Variants in ATP2C2 observed in about 807,000 individuals in gnomAD.
ATP2C2 encodes ATPase secretory pathway Ca2+ transporting 2, also known as calcium-transporting ATPase type 2C member 2.
In ATP2C2, 171 loss-of-function variants were observed where a neutral mutation model predicts 110.8. The ratio of observed to expected loss-of-function variants is 1.54; its 90% CI spans 1.36 to 1.75. ATP2C2 has a LOEUF of 1.75. ATP2C2 is among the 40% of genes most tolerant of loss of function. The pLI is 0.00. For synonymous variants in ATP2C2, 804 were observed against 508.4 expected (o/e 1.58, Z -7.82); for missense variants, 1,963 against 1,235.0 (o/e 1.59, Z -8.84).
intron 16 of ATP2C2, among the ~76,000 whole-genome samples, chr16:84,448,258 C>G (rs16973815): frequency 0.026 from 3,902 of 149,920 alleles, 184 homozygotes; most frequent in African/African-American, 0.093. Flanking sequence ...ACAAGACGCT[C>G]TGAGTGACCA....
chr16:84,429,554 CATGTAGTGTTGGGA>C (rs1908083792), intron 11 of ATP2C2, among the ~76,000 whole-genome samples: 1 of 152,078 alleles, frequency 6.6e-6, no homozygotes, highest in Non-Finnish European at 1.5e-5. Context: ...CTTTCATGTT[CATGTAGTGTTGGGA>C]TTGGGGGAGG....
At chr16:84,385,059 C>A (rs1017920077) in intron 1 of ATP2C2, among the ~76,000 whole-genome samples, 1 of 152,106 alleles carries the variant, frequency 6.6e-6, no homozygotes, top group African/African-American at 2.4e-5. Flanking sequence ...AAAAAACACA[C>A]ACATAAAAAG....
intron 20 of ATP2C2, among the ~76,000 whole-genome samples, chr16:84,454,371 A>C (rs1411272116): frequency 1.3e-5 from 2 of 152,218 alleles, no homozygotes; most frequent in Non-Finnish European, 2.9e-5. Context: ...GAGCTCTTTT[A>C]GTAGACGGGC....
intron 2 of ATP2C2, chr16:84,404,907 T>C (rs779574782): frequency 1.5e-6 from 1 of 652,574 alleles, no homozygotes; most frequent in African/African-American, 1.8e-5. Flanking sequence ...ACCAGAGTCG[T>C]CTTTTCTGCT....
At chr16:84,433,102 G>A (rs989415683) in intron 11 of ATP2C2, among the ~76,000 whole-genome samples, 2 of 152,166 alleles carry the variant, frequency 1.3e-5, no homozygotes, top group Non-Finnish European at 1.5e-5. Flanking sequence ...CAAGTAGGCT[G>A]GGCACAGTGG....
At chr16:84,420,483 T>G (rs1412447142) in intron 7 of ATP2C2, among the ~76,000 whole-genome samples, 1 of 151,536 alleles carries the variant, frequency 6.6e-6, no homozygotes, top group Non-Finnish European at 1.5e-5. Flanking sequence ...TTTTTTTTTT[T>G]TTTTTAAAGG....
chr16:84,395,490 A>T (rs1248717579), intron 1 of ATP2C2, among the ~76,000 whole-genome samples: 1 of 146,408 alleles, frequency 6.8e-6, no homozygotes, highest in Non-Finnish European at 1.5e-5. Flanking sequence ...ACAGAGTCTC[A>T]CTCTGTTGCC....
At chr16:84,461,601 G>GTT in intron 24 of ATP2C2, 113 bp from the exon 25 acceptor site, 1 of 924,296 alleles carries the variant, frequency 1.1e-6, no homozygotes, top group Non-Finnish European at 1.8e-6. Flanking sequence ...TCATGAGCTT[G>GTT]TAAGTGGCTC....
rs371229877 is a variant in ATP2C2 at position 84,408,522 on chromosome 16, C to T, written c.417+28C>T. 2.0e-4 allele frequency: 323 copies of T among 1,592,820 alleles called. 1 individual carries two copies. The highest frequency in any genetic ancestry group is 2.6e-4 in the Non-Finnish European group (307 of 1,165,882). On this transcript the variant is annotated intron_variant, in intron 4 of 26. Coordinates refer to ENST00000262429, the MANE Select transcript of ATP2C2 (RefSeq NM_014861.4). Reference sequence around the variant, plus strand: ...GAGTTCCCTGACAGCGCTCGGCTCCCGGGCGGGCAGCCACAGGTCTGCTGA... The same window carrying T: ...GAGTTCCCTGACAGCGCTCGGCTCCTGGGCGGGCAGCCACAGGTCTGCTGA...
chr16:84,442,183 A>C (rs766355801), intron 14 of ATP2C2, among the ~76,000 whole-genome samples: 1 of 152,038 alleles, frequency 6.6e-6, no homozygotes. Flanking sequence ...AAGTTGTGCA[A>C]ACTTCACCAC....
At chr16:84,387,468 C>T (rs1256412300) in intron 1 of ATP2C2, among the ~76,000 whole-genome samples, 21 of 152,064 alleles carry the variant, frequency 1.4e-4, no homozygotes, top group Non-Finnish European at 2.2e-4. Flanking sequence ...GCCGAGATTG[C>T]GCCATTGCAC....
Position 84,422,619 on chromosome 16 carries a change from C to G in ATP2C2, c.775-10C>G. On this transcript the variant is annotated splice_polypyrimidine_tract_variant and intron_variant, in intron 8 of 26. Coordinates refer to ENST00000262429, the MANE Select transcript of ATP2C2 (RefSeq NM_014861.4). ...CTTAGATTTCATACTTCTCTCTCTC[C>G]TGGACACAGGGGGTCGTGATTGGAA... 2 of 1,612,434 alleles carry G rather than the reference C, an allele frequency of 1.2e-6. No individual in the cohort carries two copies. The highest frequency in any genetic ancestry group is 2.2e-5 in the East Asian group (1 of 44,864).
chr16:84,460,736 A>T lies in ATP2C2; in HGVS notation c.2416A>T (p.Ile806Phe). 1 of 1,614,156 alleles carries T rather than the reference A, an allele frequency of 6.2e-7. No individual in the cohort carries two copies. Among genetic ancestry groups the T allele is most frequent in the Non-Finnish European group, 8.5e-7 (1 of 1,180,000 alleles). ...VRDTILSRALILKILMSAAII... is the reference protein window; with the variant it reads ...VRDTILSRALFLKILMSAAII... ...GGACACCATCCTCAGCAGAGCCCTC[A>T]TCCTGAAGATCCTCATGTCCGCGGC... The change falls in exon 24 of 27, where the codon ATC becomes TTC. Residue 806 changes from isoleucine to phenylalanine, a missense_variant. Ile to Phe is a conservative substitution (Grantham distance 21, BLOSUM62 0). Coordinates refer to ENST00000262429, the MANE Select transcript of ATP2C2 (RefSeq NM_014861.4).
At chr16:84,430,467 C>G (rs891418319) in intron 11 of ATP2C2, among the ~76,000 whole-genome samples, 4 of 151,944 alleles carry the variant, frequency 2.6e-5, no homozygotes, top group Non-Finnish European at 4.4e-5. Context: ...ATGGTGAAAC[C>G]CCATCTGTAC....
At chr16:84,415,682 C>T (rs1208525228) in intron 7 of ATP2C2, 91 bp downstream of exon 7, 1 of 1,008,296 alleles carries the variant, frequency 9.9e-7, no homozygotes, top group East Asian at 2.5e-5. Flanking sequence ...TATAGTCTCT[C>T]TCATACACAC....
chr16:84,438,804 A>G (rs904919867), intron 11 of ATP2C2, among the ~76,000 whole-genome samples: 1 of 152,232 alleles, frequency 6.6e-6, no homozygotes, highest in African/African-American at 2.4e-5. Flanking sequence ...AATCCCACTT[A>G]CTGTCTGATT....
At position 84,394,011 on chromosome 16, in the gene ATP2C2, TA is replaced by T. The variant is rs71384807; in HGVS notation, c.100-4481del. 1.5e-4 allele frequency among the ~76,000 whole-genome samples: 18 copies of T among 116,640 alleles called. 2 individuals are homozygous for T. The highest frequency in any genetic ancestry group is 1.4e-3 in the East Asian group (6 of 4,342). 76.5% of individuals were successfully genotyped at this position (116,640 alleles called of 152,430 possible). The stretch of plus-strand genomic sequence containing the variant: ...TCTCAATTAAAAATACCAAAAAAAA[TA>T]AAAAAATAAAAAATAAAAAGGCCTG... On this transcript the variant is annotated intron_variant, in intron 1 of 26. Transcript: ENST00000262429.
At chr16:84,463,568 A>G in intron 26 of ATP2C2, 46 bp from the exon 27 acceptor site, 3 of 1,540,638 alleles carry the variant, frequency 1.9e-6, no homozygotes, top group Non-Finnish European at 2.7e-6. Context: ...CCGGCGCAAC[A>G]GAGCTGCAGC....
Position 84,423,201 on chromosome 16 carries a change from C to G in ATP2C2, c.857C>G (p.Pro286Arg). Reference protein sequence around the residue: ...MMQAEETPKTPLQKSMDRLGK... With the variant: ...MMQAEETPKTRLQKSMDRLGK... ...TCACCCTTTCAGACACCTAAAACTC[C>G]TTTGCAGAAAAGCATGGACAGGCTA... The change falls in exon 10 of 27, where the codon CCT becomes CGT. Residue 286 changes from proline (P) to arginine (R), a missense_variant. Physicochemically the swap from Pro to Arg is moderately radical, Grantham distance 103 (BLOSUM62 -2). Transcript: ENST00000262429. The G allele has an allele frequency of 6.2e-7, 1 of 1,614,092 alleles. No homozygotes were observed. Among genetic ancestry groups the G allele is most frequent in the Non-Finnish European group, 8.5e-7 (1 of 1,179,978 alleles).
Sources: gnomAD v4.1 joint callset for allele counts (sites outside exome capture counted in the v4.1 genomes callset) on GRCh38, gnomAD v4.1.1 for gene constraint, MANE v1.5 for transcripts, NCBI Gene and HGNC (gene_info 2026-07-23, HGNC 2026-07-21) for gene names.